Variants in ARHGAP8 observed in about 807,000 individuals in gnomAD.
The protein encoded by ARHGAP8 is Rho GTPase activating protein 8, also known as rho GTPase-activating protein 8.
ARHGAP8 carries 62 observed loss-of-function variants against 46.1 expected under a neutral mutation model. The ratio of observed to expected loss-of-function variants is 1.34; its 90% CI spans 1.10 to 1.66. The LOEUF is 1.66. ARHGAP8 is among the 40% of genes most tolerant of loss of function. ARHGAP8 has a pLI of 0.00. For synonymous variants in ARHGAP8, 375 were observed against 243.1 expected, an observed-to-expected ratio of 1.54 and a Z score of -5.05; for missense variants, 923 against 568.4, an observed-to-expected ratio of 1.62 and a Z score of -6.34.
chr22:44,839,569 A>T (rs1047925170), intron 7 of ARHGAP8, among the ~76,000 whole-genome samples: 5 of 152,186 alleles, frequency 3.3e-5, no homozygotes, highest in African/African-American at 1.2e-4. Flanking sequence ...ATGGAAACCC[A>T]GGCCGGGCTT....
In ARHGAP8 at chr22:44,787,943, C is replaced by CTTTTT. The variant is rs1312732228; in HGVS notation, c.79+1337_79+1338insTTTTT. Among the ~76,000 whole-genome samples the CTTTTT allele has an allele frequency of 7.5e-3, 954 of 126,664 alleles. 28 individuals are homozygous for CTTTTT. The highest frequency in any genetic ancestry group is 0.04 in the East Asian group (164 of 4,092). The allele number at this position is 126,664 out of a possible 152,430, so 83.1% of individuals were successfully genotyped here. A position where few individuals can be genotyped will look rare whatever the true frequency, so the allele number is the denominator to read the frequency against. ...CCTTTTTTTTTTTTTTTTTTTTTCC[C>CTTTTT]CCCAAATGTCCTTTTAAGAAAACTT... On this transcript the variant is annotated intron_variant, in intron 2 of 11. Transcript: ENST00000356099.
chr22:44,856,081 A>T (rs2070214173), intron 10 of ARHGAP8, among the ~76,000 whole-genome samples: 1 of 152,020 alleles, frequency 6.6e-6, no homozygotes, highest in South Asian at 2.1e-4. Context: ...TGAGAACAGC[A>T]CCAAAGAGAT....
At chr22:44,837,036 C>T (rs1284299037) in intron 7 of ARHGAP8, among the ~76,000 whole-genome samples, 1 of 152,138 alleles carries the variant, frequency 6.6e-6, no homozygotes, top group Non-Finnish European at 1.5e-5. Context: ...AGGCGCGTGC[C>T]ACCGTACCTG....
chr22:44,822,727 C>G (rs1930245004), intron 6 of ARHGAP8, among the ~76,000 whole-genome samples: 1 of 152,186 alleles, frequency 6.6e-6, no homozygotes, highest in South Asian at 2.1e-4. Flanking sequence ...AAAAAATAAG[C>G]CCTAACATGG....
chr22:44,822,153 A>T (rs930178983), intron 5 of ARHGAP8, among the ~76,000 whole-genome samples: 1 of 152,208 alleles, frequency 6.6e-6, no homozygotes, highest in African/African-American at 2.4e-5. Context: ...GAGCCACTCC[A>T]GCGTGTTTGG....
intron 7 of ARHGAP8, among the ~76,000 whole-genome samples, chr22:44,827,085 G>A (rs1930573359): frequency 1.3e-5 from 2 of 152,098 alleles, no homozygotes; most frequent in Non-Finnish European, 1.5e-5. Context: ...TTCTCTGGTG[G>A]GCCCAAAGCA....
chr22:44,757,461 G>GGTTTTACCTATTAAACCTATTA (rs1924774116), intron 1 of ARHGAP8, among the ~76,000 whole-genome samples: 1 of 151,924 alleles, frequency 6.6e-6, no homozygotes, highest in Non-Finnish European at 1.5e-5. Context: ...ATTTTTAATA[G>GGTTTTACCTATTAAACCTATTA]AGACAAGGTT....
chr22:44,770,219 G>A lies in ARHGAP8; in HGVS notation c.-71-16238G>A, dbSNP rs550535367. 3.9e-5 allele frequency among the ~76,000 whole-genome samples: 6 copies of A among 152,038 alleles called. No individual in the cohort carries two copies. The East Asian group carries it at 9.7e-4, about 25-fold the overall frequency. On this transcript the variant is annotated intron_variant, in intron 1 of 11. Transcript: ENST00000356099. ...AGATCATGCCACTGCACTCCAGCCT[G>A]GGCAACAGAGCGAGACTCCATCTCA...
chr22:44,830,161 C>T (rs1388212748), intron 7 of ARHGAP8, among the ~76,000 whole-genome samples: 1 of 149,658 alleles, frequency 6.7e-6, no homozygotes, highest in Admixed American at 6.7e-5. Flanking sequence ...GTAGCTGGGA[C>T]TGCAGGTGCA....
At chr22:44,799,000 G>C (rs1283864514) in intron 2 of ARHGAP8, among the ~76,000 whole-genome samples, 1 of 152,236 alleles carries the variant, frequency 6.6e-6, no homozygotes, top group Non-Finnish European at 1.5e-5. Flanking sequence ...TGTGAGGAAA[G>C]GAAGAGGGAG....
At chr22:44,827,411 C>T (rs1260122808) in intron 7 of ARHGAP8, among the ~76,000 whole-genome samples, 1 of 123,834 alleles carries the variant, frequency 8.1e-6, no homozygotes, top group Non-Finnish European at 1.6e-5. Flanking sequence ...GGTGTGAGCT[C>T]AGCTCACCGC....
chr22:44,855,265 C>G (rs566427430), intron 10 of ARHGAP8, among the ~76,000 whole-genome samples: 5 of 151,726 alleles, frequency 3.3e-5, no homozygotes, highest in African/African-American at 1.2e-4. Flanking sequence ...GACCTCTGGG[C>G]TCAAGCAATC....
At chr22:44,859,633 G>C in intron 10 of ARHGAP8, 98 bp from the exon 11 acceptor site, 1 of 1,332,556 alleles carries the variant, frequency 7.5e-7, no homozygotes, top group Non-Finnish European at 1.0e-6. Flanking sequence ...TCCATCCTCA[G>C]AGCTGTCCTT....
chr22:44,843,065 T>C (rs1194999171), intron 7 of ARHGAP8, among the ~76,000 whole-genome samples: 1 of 152,128 alleles, frequency 6.6e-6, no homozygotes. Context: ...AGGTGGGCAG[T>C]TGGAATGTAA....
At chr22:44,847,827 G>A (rs1601516999) in intron 8 of ARHGAP8, 146 bp from the exon 9 acceptor site, 11 of 1,056,946 alleles carry the variant, frequency 1.0e-5, no homozygotes, top group African/African-American at 1.6e-5. Context: ...GGTGGGTTGG[G>A]GAATATGGAA....
rs1300746866 is a variant in ARHGAP8 at position 44,849,186 on chromosome 22, C to T, written c.877+126C>T. On this transcript the variant is annotated intron_variant, in intron 10 of 11. Transcript: ENST00000356099. ...GTACCCACCCTCCTCCTGTTGCCATCTGGCACTGCAGGGCAAGAGAGGGGG... is the reference window on the plus strand; with the variant it reads ...GTACCCACCCTCCTCCTGTTGCCATTTGGCACTGCAGGGCAAGAGAGGGGG... The T allele has an allele frequency of 3.3e-6, 5 of 1,528,290 alleles. No homozygotes were observed. In the Admixed American group the frequency reaches 9.1e-5, roughly 28 times the overall value. 94.7% of individuals were successfully genotyped at this position (1,528,290 alleles called of 1,614,324 possible). A position where few individuals can be genotyped will look rare whatever the true frequency, so the allele number is the denominator to read the frequency against.
At chr22:44,846,597 C>T (rs1162949908) in intron 8 of ARHGAP8, among the ~76,000 whole-genome samples, 2 of 152,190 alleles carry the variant, frequency 1.3e-5, no homozygotes, top group African/African-American at 2.4e-5. Flanking sequence ...TGCCTGTCCC[C>T]GGCCTGGACT....
chr22:44,816,165 C>T (rs570187083), intron 5 of ARHGAP8, among the ~76,000 whole-genome samples: 4 of 151,768 alleles, frequency 2.6e-5, no homozygotes, highest in Non-Finnish European at 4.4e-5. Context: ...GAAGCCCACT[C>T]GTGGCTCTGA....
chr22:44,859,892 G>A, intron 11 of ARHGAP8, 58 bp downstream of exon 11: 4 of 1,578,848 alleles, frequency 2.5e-6, no homozygotes, highest in South Asian at 1.1e-5. Context: ...TCCCATGCTG[G>A]GCCCGCATGG....
Sources: allele counts gnomAD v4.1 joint callset (sites outside exome capture counted in the v4.1 genomes callset), GRCh38; gene constraint gnomAD v4.1.1; transcripts MANE v1.5; gene names NCBI Gene and HGNC (gene_info 2026-07-23, HGNC 2026-07-21).